LRMDA: variants seen among roughly 807,000 people sequenced by gnomAD.
LRMDA encodes leucine-rich melanocyte differentiation-associated protein.
A neutral mutation model predicts 29.8 loss-of-function variants in LRMDA; 18 were observed. That is an observed-to-expected ratio of 0.60 (90% confidence interval 0.42 to 0.90). LRMDA has a LOEUF of 0.90. LRMDA is among the 40% of genes least tolerant of loss of function. LRMDA has a pLI of 0.00. For missense variants in LRMDA, 273 were observed against 273.9 expected, an observed-to-expected ratio of 1.00 and a Z score of 0.02; for synonymous variants, 125 against 109.4, an observed-to-expected ratio of 1.14 and a Z score of -0.89.
intron 6 of LRMDA, among the ~76,000 whole-genome samples, chr10:76,472,940 A>G (rs934207546): frequency 1.3e-5 from 2 of 151,636 alleles, no homozygotes; most frequent in Non-Finnish European, 3.0e-5. Context: ...GGTAAATTCT[A>G]TCAAGCATTT....
At chr10:76,238,448 C>T (rs1292737997) in intron 5 of LRMDA, among the ~76,000 whole-genome samples, 1 of 152,110 alleles carries the variant, frequency 6.6e-6, no homozygotes, top group Non-Finnish European at 1.5e-5. Flanking sequence ...GACTCTGTTG[C>T]CCTTACATTG....
intron 2 of LRMDA, among the ~76,000 whole-genome samples, chr10:75,795,459 C>G (rs1265231284): frequency 6.6e-6 from 1 of 152,050 alleles, no homozygotes; most frequent in African/African-American, 2.4e-5. Flanking sequence ...GTGTGTATAT[C>G]TAGTTGTTTC....
At chr10:75,689,613 G>GA (rs1038619523) in intron 2 of LRMDA, among the ~76,000 whole-genome samples, 2 of 152,316 alleles carry the variant, frequency 1.3e-5, no homozygotes, top group East Asian at 1.9e-4. Flanking sequence ...TCTGTGTGGG[G>GA]AGCATGTGTG....
intron 6 of LRMDA, among the ~76,000 whole-genome samples, chr10:76,427,749 A>G (rs1442526918): frequency 6.6e-6 from 1 of 152,172 alleles, no homozygotes; most frequent in Non-Finnish European, 1.5e-5. Context: ...TTTGTCATAA[A>G]TAGCTCTTAT....
intron 2 of LRMDA, among the ~76,000 whole-genome samples, chr10:75,637,208 G>A (rs1031697181): frequency 1.2e-4 from 18 of 152,234 alleles, no homozygotes; most frequent in African/African-American, 3.9e-4. Flanking sequence ...CATTGATTCC[G>A]TTCACCTTTG....
chr10:76,082,403 C>G (rs1378646866), intron 5 of LRMDA, among the ~76,000 whole-genome samples: 1 of 152,080 alleles, frequency 6.6e-6, no homozygotes, highest in Non-Finnish European at 1.5e-5. Flanking sequence ...AATCAGGAAA[C>G]AGATTTATTT....
chr10:76,417,670 A>G (rs1026750339), intron 6 of LRMDA, among the ~76,000 whole-genome samples: 2 of 152,196 alleles, frequency 1.3e-5, no homozygotes, highest in African/African-American at 4.8e-5. Flanking sequence ...TTGTTGTTCA[A>G]TGTTAAACAG....
intron 2 of LRMDA, among the ~76,000 whole-genome samples, chr10:75,938,959 C>T (rs142213570): frequency 2.6e-5 from 4 of 152,150 alleles, no homozygotes; most frequent in African/African-American, 7.2e-5. Context: ...AGGGAAGCAG[C>T]GAACTGCAGA....
At chr10:76,170,449 C>G (rs531827413) in intron 5 of LRMDA, among the ~76,000 whole-genome samples, 12 of 152,276 alleles carry the variant, frequency 7.9e-5, no homozygotes, top group Admixed American at 4.6e-4. Flanking sequence ...GGCTAATTGA[C>G]TAAAAGTAAG....
intron 2 of LRMDA, among the ~76,000 whole-genome samples, chr10:75,580,126 CA>C (rs1840567817): frequency 6.6e-6 from 1 of 152,170 alleles, no homozygotes; most frequent in Non-Finnish European, 1.5e-5. Flanking sequence ...AAGAGGAAGT[CA>C]AATTGTCTCT....
chr10:75,483,867 G>GTTTTTTTTTTTTTTTT (rs548925147), intron 2 of LRMDA, among the ~76,000 whole-genome samples: 1 of 119,142 alleles, frequency 8.4e-6, no homozygotes, highest in Non-Finnish European at 1.7e-5. Flanking sequence ...GTATGGAGAG[G>GTTTTTTTTTTTTTTTT]TTTTTTTTTT....
At chr10:75,740,139 A>G (rs1842811793) in intron 2 of LRMDA, among the ~76,000 whole-genome samples, 1 of 152,200 alleles carries the variant, frequency 6.6e-6, no homozygotes, top group South Asian at 2.1e-4. Flanking sequence ...CATTTCTGAA[A>G]TAAAATAAAA....
intron 2 of LRMDA, among the ~76,000 whole-genome samples, chr10:75,455,870 C>T (rs1464901575): frequency 6.6e-6 from 1 of 152,254 alleles, no homozygotes; most frequent in East Asian, 1.9e-4. Context: ...GACTTCGGAG[C>T]CTGTACAACA....
chr10:76,196,490 A>C (rs1851332747), intron 5 of LRMDA, among the ~76,000 whole-genome samples: 1 of 152,212 alleles, frequency 6.6e-6, no homozygotes, highest in Admixed American at 6.5e-5. Context: ...AAAAGAGTCC[A>C]AATCTGCTCC....
At position 75,645,203 on chromosome 10, in the gene LRMDA, G is replaced by A. The variant is rs149947422; in HGVS notation, c.131+206709G>A. On this transcript the variant is annotated intron_variant, in intron 2 of 6. Coordinates refer to ENST00000611255, the MANE Select transcript of LRMDA (RefSeq NM_001305581.2). ...TTGCCATGTTGGCCAGGCTGGTCTTGAACTCCTGAGCTCAGGTGATGTACC... is the reference window on the plus strand; with the variant it reads ...TTGCCATGTTGGCCAGGCTGGTCTTAAACTCCTGAGCTCAGGTGATGTACC... Among the ~76,000 whole-genome samples the A allele has an allele frequency of 3.8e-3, 571 of 152,246 alleles. 2 individuals are homozygous for A. The highest frequency in any genetic ancestry group is 0.013 in the African/African-American group (546 of 41,530).
intron 5 of LRMDA, among the ~76,000 whole-genome samples, chr10:76,253,701 CA>C (rs1160200357): frequency 6.6e-6 from 1 of 152,092 alleles, no homozygotes; most frequent in Non-Finnish European, 1.5e-5. Flanking sequence ...AAAAAATCAA[CA>C]AAAATATTTG....
intron 2 of LRMDA, among the ~76,000 whole-genome samples, chr10:75,724,475 AGG>A (rs1842607069): frequency 2.0e-5 from 3 of 152,120 alleles, no homozygotes; most frequent in Admixed American, 2.0e-4. Flanking sequence ...AATTTATCTG[AGG>A]TATGGGAAGA....
chr10:75,598,911 CT>C (rs1840842289), intron 2 of LRMDA, among the ~76,000 whole-genome samples: 1 of 152,136 alleles, frequency 6.6e-6, no homozygotes, highest in African/African-American at 2.4e-5. Context: ...GCCTTTGCAC[CT>C]TTGGACAGAG....
rs115466010 is a variant in LRMDA, at chr10:75,655,360, G to T, written c.131+216866G>T. Among the ~76,000 whole-genome samples the T allele has an allele frequency of 5.6e-3, 850 of 152,352 alleles. 7 individuals are homozygous for T. The highest frequency in any genetic ancestry group is 0.019 in the African/African-American group (810 of 41,576). On this transcript the variant is annotated intron_variant, in intron 2 of 6. Transcript: ENST00000611255. ...ACAGTGAAGCACAAAGTTGGTAAAG[G>T]TTGTGATGGCTGCAGTTCATGGAGG...
Sources: gnomAD v4.1 joint callset for allele counts (sites outside exome capture counted in the v4.1 genomes callset) on GRCh38, gnomAD v4.1.1 for gene constraint, MANE v1.5 for transcripts, NCBI Gene and HGNC (gene_info 2026-07-23, HGNC 2026-07-21) for gene names.